The following MOCS2 variants were observed in gnomAD, a reference collection of about 807,000 sequenced individuals.
MOCS2 encodes the protein molybdopterin synthase catalytic subunit.
A neutral mutation model predicts 21.9 loss-of-function variants in MOCS2; 13 were observed. The observed-to-expected ratio is 0.59, with a 90% CI of 0.39 to 0.94. The LOEUF is 0.94. Among genes scored for constraint, MOCS2 ranks in the 40% least tolerant of loss-of-function variants. The pLI is 0.00. For missense variants in MOCS2, 227 were observed against 218.3 expected, an observed-to-expected ratio of 1.04 and a Z score of -0.25; for synonymous variants, 92 against 80.8, an observed-to-expected ratio of 1.14 and a Z score of -0.74.
intron 3 of MOCS2, among the ~76,000 whole-genome samples, chr5:53,104,568 T>C (rs986330571): frequency 6.6e-5 from 10 of 152,276 alleles, no homozygotes; most frequent in East Asian, 1.9e-4. Context: ...AGTTTCTAAA[T>C]AGCATTGAGA....
At chr5:53,102,042 A>G (rs1579933110) in intron 4 of MOCS2, 55 bp downstream of exon 4, 3 of 1,573,354 alleles carry the variant, frequency 1.9e-6, no homozygotes, top group Non-Finnish European at 1.7e-6. Context: ...TGGAAAGCAC[A>G]TGCTAATTTC....
chr5:53,109,231 C>T lies in MOCS2; in HGVS notation c.-170+20G>A. The T allele has an allele frequency of 1.0e-6, 1 of 967,976 alleles. No individual in the cohort carries two copies. Among genetic ancestry groups the T allele is most frequent in the Non-Finnish European group, 1.2e-6 (1 of 812,734 alleles). 60.0% of individuals were successfully genotyped at this position (967,976 alleles called of 1,614,324 possible). ...CCAGCAGCCTGGTATGTAAGGGATC[C>T]GACGAAGTAAAATAGGCACCTGTCA... On this transcript the variant is annotated intron_variant, in intron 1 of 6. Transcript: ENST00000396954.
In MOCS2 at chr5:53,097,413, C is replaced by T. The variant is rs1740776052; in HGVS notation, c.*1189G>A. 1 of 152,162 alleles carries T rather than the reference C, an allele frequency of 6.6e-6. No homozygotes were observed. The highest frequency in any genetic ancestry group is 1.5e-5 in the Non-Finnish European group (1 of 68,026). 9.4% of individuals were successfully genotyped at this position (152,162 alleles called of 1,614,324 possible). ...CCTTAGGTAAAAGATGTTTTCACTA[C>T]ATATAACAAATAGGATTACTACGTT... On this transcript the variant is annotated 3_prime_UTR_variant, in exon 7 of 7. Transcript: ENST00000396954.
At chr5:53,109,012 C>T (rs1376416893) in intron 1 of MOCS2, among the ~76,000 whole-genome samples, 1 of 151,930 alleles carries the variant, frequency 6.6e-6, no homozygotes, top group Non-Finnish European at 1.5e-5. Context: ...AGATGAGTTA[C>T]ACAAATAAAA....
Position 53,101,578 on chromosome 5 carries a change from C to T in MOCS2, c.227-69G>A, listed in dbSNP as rs755821495. 65 of 1,115,806 alleles carry T rather than the reference C, an allele frequency of 5.8e-5. 1 individual carries two copies. In the Admixed American group the frequency reaches 6.2e-4, roughly 11 times the overall value. 69.1% of individuals were successfully genotyped at this position (1,115,806 alleles called of 1,614,324 possible). ...GTTTTTCCCTACAAAAGAAATAGCA[C>T]GTTAATAAAAAAGGAATATTTTTAA... On this transcript the variant is annotated intron_variant, in intron 4 of 6. Coordinates refer to ENST00000396954, the MANE Select transcript of MOCS2 (RefSeq NM_004531.5).
chr5:53,101,069 C>T (rs924056933), intron 5 of MOCS2: 24 of 456,982 alleles, frequency 5.3e-5, no homozygotes, highest in Non-Finnish European at 8.6e-5. Context: ...TAATGACTTT[C>T]GAGGCATTTA....
chr5:53,108,744 A>G, intron 1 of MOCS2, 101 bp from the exon 2 acceptor site: 2 of 1,212,010 alleles, frequency 1.7e-6, no homozygotes, highest in Non-Finnish European at 2.2e-6. Flanking sequence ...CTTTAATCAA[A>G]GACAAATTTT....
At chr5:53,102,313 C>A in intron 3 of MOCS2, 89 bp from the exon 4 acceptor site, 1 of 1,290,048 alleles carries the variant, frequency 7.8e-7, no homozygotes, top group Non-Finnish European at 1.1e-6. Context: ...ATATTTTTTT[C>A]TACATTATGT....
At chr5:53,108,067 A>C (rs1336856487) in intron 2 of MOCS2, 1 of 153,036 alleles carries the variant, frequency 6.5e-6, no homozygotes, top group Non-Finnish European at 1.5e-5. Flanking sequence ...TTCAAGAACC[A>C]GAAAAAAAAT....
In MOCS2 at chr5:53,096,118, T is replaced by G. The variant is rs976032542; in HGVS notation, c.*2484A>C. 2 of 152,242 alleles carry G rather than the reference T, an allele frequency of 1.3e-5. No homozygotes were observed. The highest frequency in any genetic ancestry group is 3.8e-4 in the East Asian group (2 of 5,196). 9.4% of individuals were successfully genotyped at this position (152,242 alleles called of 1,614,324 possible). On this transcript the variant is annotated 3_prime_UTR_variant, in exon 7 of 7. Coordinates refer to ENST00000396954, the MANE Select transcript of MOCS2 (RefSeq NM_004531.5). ...ACTTTTACTATGGCTCTGGCTCTAC[T>G]GCCCTCTGCTGGATGATCCACCGAA...
At chr5:53,098,975 T>C (rs2112080031) in intron 6 of MOCS2, among the ~76,000 whole-genome samples, 1 of 152,340 alleles carries the variant, frequency 6.6e-6, no homozygotes. Context: ...CTAAACAAGT[T>C]TGAGCTGCCC....
At chr5:53,099,642 A>C (rs1740852372) in intron 6 of MOCS2, among the ~76,000 whole-genome samples, 1 of 152,088 alleles carries the variant, frequency 6.6e-6, no homozygotes, top group Non-Finnish European at 1.5e-5. Context: ...TATTTCTACC[A>C]CTGACTGAGG....
intron 6 of MOCS2, 113 bp from the exon 7 acceptor site, chr5:53,098,780 C>T: frequency 1.3e-6 from 1 of 798,096 alleles, no homozygotes; most frequent in Non-Finnish European, 2.2e-6. Context: ...AATGGCTCCT[C>T]TTTTAACAAT....
At chr5:53,107,315 T>C in intron 2 of MOCS2, 94 bp from the exon 3 acceptor site, 2 of 1,207,310 alleles carry the variant, frequency 1.7e-6, no homozygotes, top group South Asian at 1.4e-5. Flanking sequence ...GATATAATTA[T>C]ATAAAGCATC....
rs1491154396 is a variant in MOCS2 at position 53,102,215 on chromosome 5, CAT to C, written c.106_107del (p.Met36GlyfsTer2). The C allele has an allele frequency of 3.1e-6, 5 of 1,611,702 alleles. No homozygotes were observed. Among genetic ancestry groups the C allele is most frequent in the Non-Finnish European group, 3.4e-6 (4 of 1,178,374 alleles). ...CTTTAGATTTCTCTTCAACTTCATC[CAT>C]ATCTTTCCTAGAAATAATACATTAA... Reference protein sequence around the residue: ...DSAFEPSRKDMDEVEEKSKDV... With the variant: ...DSAFEPSRKDXDEVEEKSKDV... On this transcript the variant is annotated frameshift_variant, in exon 4 of 7. Transcript: ENST00000396954. LOFTEE classifies it high-confidence loss of function.
chr5:53,102,071 T>C (rs767023422), intron 4 of MOCS2, 26 bp downstream of exon 4: 2 of 1,609,180 alleles, frequency 1.2e-6, no homozygotes, highest in Non-Finnish European at 1.7e-6. Context: ...TATACAGTGA[T>C]AGATGCAATG....
At chr5:53,101,134 T>G (rs1323408630) in intron 5 of MOCS2, 4 of 589,482 alleles carry the variant, frequency 6.8e-6, no homozygotes, top group Non-Finnish European at 1.2e-5. Context: ...TTGGCACAAC[T>G]GCAGTTTGTT....
intron 3 of MOCS2, among the ~76,000 whole-genome samples, chr5:53,105,711 A>C (rs2112088901): frequency 6.6e-6 from 1 of 152,350 alleles, no homozygotes; most frequent in Admixed American, 6.5e-5. Context: ...TTGCAGCAAA[A>C]GCAAAAATTG....
At position 53,102,218 on chromosome 5, in the gene MOCS2, A is replaced by G. The variant is rs1740933076; in HGVS notation, c.105T>C (p.Asp35=). 1.2e-6 allele frequency: 2 copies of G among 1,611,824 alleles called. No homozygotes were observed. Among genetic ancestry groups the G allele is most frequent in the Admixed American group, 1.7e-5 (1 of 59,918 alleles). Residue 35 remains aspartate (D), a synonymous_variant, in exon 4 of 7, where the codon GAT becomes GAC. Transcript: ENST00000396954. ...TAGATTTCTCTTCAACTTCATCCAT[A>G]TCTTTCCTAGAAATAATACATTAAC... The part of the protein sequence containing the change: ...EDSAFEPSRK[D]MDEVEEKSKD...
Sources: allele counts gnomAD v4.1 joint callset (sites outside exome capture counted in the v4.1 genomes callset), GRCh38; gene constraint gnomAD v4.1.1; transcripts MANE v1.5; gene names NCBI Gene and HGNC (gene_info 2026-07-23, HGNC 2026-07-21).